Variants in ADAM11 observed in about 807,000 individuals in gnomAD.
The protein encoded by ADAM11 is ADAM metallopeptidase domain 11.
Under a neutral mutation model 119.1 loss-of-function variants are expected in ADAM11, and 49 were observed. The ratio of observed to expected loss-of-function variants is 0.41; its 90% CI spans 0.33 to 0.52. The LOEUF (loss-of-function observed/expected upper bound fraction) is 0.52. Ranked by LOEUF, ADAM11 falls within the 20% of genes least tolerant of loss-of-function variation. The pLI is 0.20. For synonymous variants in ADAM11, 364 were observed against 408.0 expected (o/e 0.89, Z 1.30); for missense variants, 777 against 1,047.5 (o/e 0.74, Z 3.56).
chr17:44,771,625 G>C lies in ADAM11; in HGVS notation c.423G>C (p.Gly141=), dbSNP rs1163188741. The change falls in exon 5 of 27, where the codon GGG becomes GGC. Residue 141 remains glycine, a synonymous_variant. Transcript: ENST00000200557. ...DHCYYQGKLR[G]NPHSFAALST... ...GCTACTACCAGGGGAAGCTCCGGGG[G>C]AACCCGCACTCCTTCGCCGCCCTCT... The C allele has an allele frequency of 1.2e-6, 2 of 1,611,746 alleles. No homozygotes were observed. The highest frequency in any genetic ancestry group is 4.5e-5 in the East Asian group (2 of 44,870).
rs747723417 is a variant in ADAM11 at position 44,776,129 on chromosome 17, C to T, written c.1488C>T (p.Tyr496=). Residue 496 remains tyrosine (Y), a splice_region_variant and synonymous_variant, in exon 18 of 27, where the codon TAC becomes TAT. Coordinates refer to ENST00000200557, the MANE Select transcript of ADAM11 (RefSeq NM_002390.6). This position sits in a 1 kb window ranked among gnomAD's most constrained non-coding sequence, Gnocchi z 5.2. The stretch of plus-strand genomic sequence containing the variant: ...CGAGGAGCGCGTCTCTTCCCTAGTA[C>T]GAACCACGGGGTGTGTCCTGCCGAG... ...SDGLCCRRCK[Y]EPRGVSCREA... The T allele has an allele frequency of 1.9e-6, 3 of 1,613,516 alleles. No homozygotes were observed. Among genetic ancestry groups the T allele is most frequent in the Non-Finnish European group, 2.5e-6 (3 of 1,179,930 alleles).
chr17:44,765,547 T>TA (rs1449897576), intron 2 of ADAM11, among the ~76,000 whole-genome samples: 1 of 151,378 alleles, frequency 6.6e-6, no homozygotes, highest in East Asian at 1.9e-4. Context: ...ACCCTTATGA[T>TA]ACCACATTTA....
Position 44,772,291 on chromosome 17 carries a change from C to T in ADAM11, c.568C>T (p.Arg190Trp), listed in dbSNP as rs551169644. 155 of 1,604,082 alleles carry T rather than the reference C, an allele frequency of 9.7e-5. No homozygotes were observed. The highest frequency in any genetic ancestry group is 2.4e-4 in the African/African-American group (18 of 74,548). Residue 190 changes from arginine to tryptophan, a missense_variant, in exon 7 of 27, where the codon CGG becomes TGG. This residue lies in a region of ADAM11 where 278 missense variants were observed against 310.1 expected (regional missense o/e 0.90). Transcript: ENST00000200557. This position sits in a 1 kb window ranked among gnomAD's most constrained non-coding sequence, Gnocchi z 4.5. ...GGGACCCCTTCCCCACCTCATTTAC[C>T]GGACCCCTCTCCTCCCAGATCCCCT... ...PQGPLPHLIY[R>W]TPLLPDPLGC...
intron 2 of ADAM11, among the ~76,000 whole-genome samples, chr17:44,768,824 C>A (rs558680429): frequency 6.6e-6 from 1 of 152,258 alleles, no homozygotes; most frequent in Admixed American, 6.5e-5. Context: ...GAGTGGGTGA[C>A]CCTCATGTTG....
In ADAM11 at chr17:44,777,667, G is replaced by A. The variant is rs758465806; in HGVS notation, c.1902-28G>A. 1.1e-5 allele frequency: 18 copies of A among 1,613,146 alleles called. No homozygotes were observed. The highest frequency in any genetic ancestry group is 1.5e-5 in the Non-Finnish European group (18 of 1,179,458). The stretch of plus-strand genomic sequence containing the variant: ...TGTGCTGGGGGTTAGGAGACAGGGG[G>A]CTGAGGCTGGCTGTGTCACTTCCCC... On this transcript the variant is annotated intron_variant, in intron 22 of 26. Coordinates refer to ENST00000200557, the MANE Select transcript of ADAM11 (RefSeq NM_002390.6). This position sits in a 1 kb window ranked among gnomAD's most constrained non-coding sequence, Gnocchi z 5.1.
intron 2 of ADAM11, among the ~76,000 whole-genome samples, chr17:44,763,717 C>A (rs1283090642): frequency 6.6e-6 from 1 of 151,262 alleles, no homozygotes. Flanking sequence ...ATCTTGTTTT[C>A]TTTCTTTTTT....
intron 2 of ADAM11, among the ~76,000 whole-genome samples, chr17:44,768,749 C>G (rs528255168): frequency 5.9e-5 from 9 of 152,204 alleles, no homozygotes; most frequent in Non-Finnish European, 1.0e-4. Context: ...TCTCTTCCTT[C>G]CTGCAACCTG....
At position 44,771,748 on chromosome 17, in the gene ADAM11, C is replaced by T. The variant is rs762152759; in HGVS notation, c.468-8C>T. 3.7e-6 allele frequency: 6 copies of T among 1,613,686 alleles called. No homozygotes were observed. In the East Asian group the frequency reaches 1.1e-4, roughly 30 times the overall value. ...GGACGGAGGGGAGCTGCGCCTCTCT[C>T]TCCACAGTGGGGTCTTCTCTGATGG... On this transcript the variant is annotated splice_polypyrimidine_tract_variant and splice_region_variant and intron_variant, in intron 5 of 26. Transcript: ENST00000200557.
rs1567696054 is a variant in ADAM11 at position 44,778,086 on chromosome 17, AG to A, written c.2185+26del. 1.4e-5 allele frequency: 22 copies of A among 1,610,452 alleles called. No individual in the cohort carries two copies. Among genetic ancestry groups the A allele is most frequent in the Non-Finnish European group, 1.8e-5 (21 of 1,177,592 alleles). On this transcript the variant is annotated intron_variant, in intron 24 of 26. Coordinates refer to ENST00000200557, the MANE Select transcript of ADAM11 (RefSeq NM_002390.6). ...ATAAAGGTGAGGCTGGAGCTGGCCG[AG>A]GGGGGTCTGTCTGTCCTGCTCTCTA...
At position 44,774,304 on chromosome 17, in the gene ADAM11, C is replaced by G. The variant is rs753811742; in HGVS notation, c.1002C>G (p.Thr334=). The part of the protein sequence containing the change: ...SDATHLFSGR[T]FQSTSSGAAY... ...GCGCACTCCCTTCCAGGGGCAGGAC[C>G]TTCCAGAGCACGAGCAGCGGGGCAG... The change falls in exon 12 of 27, where the codon ACC becomes ACG. Residue 334 remains threonine, a synonymous_variant. Transcript: ENST00000200557. 26 of 1,469,718 alleles carry G rather than the reference C, an allele frequency of 1.8e-5. No individual in the cohort carries two copies. Among genetic ancestry groups the G allele is most frequent in the Non-Finnish European group, 2.3e-5 (25 of 1,107,562 alleles). The allele number at this position is 1,469,718 out of a possible 1,614,324, so 91.0% of individuals were successfully genotyped here.
chr17:44,763,587 A>G (rs535266334), intron 2 of ADAM11, among the ~76,000 whole-genome samples: 1 of 152,316 alleles, frequency 6.6e-6, no homozygotes, highest in South Asian at 2.1e-4. Flanking sequence ...CAGGTCAGGC[A>G]AGACTACCGT....
chr17:44,773,747 C>G lies in ADAM11; in HGVS notation c.992+320C>G, dbSNP rs765133185. 2.4e-4 allele frequency among the ~76,000 whole-genome samples: 37 copies of G among 152,320 alleles called. No homozygotes were observed. The highest frequency in any genetic ancestry group is 4.4e-4 in the Non-Finnish European group (30 of 68,032). On this transcript the variant is annotated intron_variant, in intron 11 of 26. Coordinates refer to ENST00000200557, the MANE Select transcript of ADAM11 (RefSeq NM_002390.6). The surrounding 1 kb of genome is among the most constrained non-coding windows in gnomAD (Gnocchi z 4.6). ...TAGGGAAAAAAATCTAATAAAAGGG[C>G]CTTGCAACTAGAGATGGTCTACTGG...
Position 44,759,479 on chromosome 17 carries a change from GCTCTGCAGGT to G in ADAM11, c.61+226_62-227del, listed in dbSNP as rs1468115016. On this transcript the variant is annotated intron_variant, in intron 1 of 26. Transcript: ENST00000200557. Reference sequence around the variant, plus strand: ...CCCTGCCCCTGCCGCCGACCGGCCAGCTCTGCAGGTCTCTGCGGGTTTGGGCGGATGGGGG... The same window carrying G: ...CCCTGCCCCTGCCGCCGACCGGCCAGCTCTGCGGGTTTGGGCGGATGGGGG... The G allele has an allele frequency of 1.7e-5, 21 of 1,251,906 alleles. No homozygotes were observed. The South Asian group carries it at 6.0e-4, about 35-fold the overall frequency. The allele number at this position is 1,251,906 out of a possible 1,614,324, so 77.5% of individuals were successfully genotyped here.
At chr17:44,765,907 T>C (rs1351880189) in intron 2 of ADAM11, among the ~76,000 whole-genome samples, 2 of 152,160 alleles carry the variant, frequency 1.3e-5, no homozygotes. Flanking sequence ...AAGCCACTGC[T>C]CCTGGCCCAA....
intron 2 of ADAM11, among the ~76,000 whole-genome samples, chr17:44,763,220 C>T (rs1250246600): frequency 2.0e-5 from 3 of 152,136 alleles, no homozygotes; most frequent in Non-Finnish European, 2.9e-5. Flanking sequence ...CACTCCTTTA[C>T]GTGGAATTAT....
rs1454626857 is a variant in ADAM11, at chr17:44,759,194, C to G, written c.-6C>G. On this transcript the variant is annotated 5_prime_UTR_variant, in exon 1 of 27. Coordinates refer to ENST00000200557, the MANE Select transcript of ADAM11 (RefSeq NM_002390.6). ...CAGCCCCCGGACCGGGAGGAATGAG[C>G]GAGCCATGAGGCTGCTGCGGCGCTG... 1.5e-6 allele frequency: 2 copies of G among 1,352,908 alleles called. No individual in the cohort carries two copies. Among genetic ancestry groups the G allele is most frequent in the Non-Finnish European group, 1.9e-6 (2 of 1,048,560 alleles). 83.8% of individuals were successfully genotyped at this position (1,352,908 alleles called of 1,614,324 possible). A position where few individuals can be genotyped will look rare whatever the true frequency, so the allele number is the denominator to read the frequency against.
Position 44,777,440 on chromosome 17 carries a change from G to A in ADAM11, c.1782-42G>A. ...AGATTAGAGTTCAGTAGTTGAGTCT[G>A]AGGTCAAACTTGGGGCTCACTGTCT... On this transcript the variant is annotated intron_variant, in intron 21 of 26. Transcript: ENST00000200557. This position sits in a 1 kb window ranked among gnomAD's most constrained non-coding sequence, Gnocchi z 5.1. 6.2e-7 allele frequency: 1 copy of A among 1,603,162 alleles called. No homozygotes were observed. The highest frequency in any genetic ancestry group is 8.5e-7 in the Non-Finnish European group (1 of 1,170,566).
rs1305734037 is a variant in ADAM11 at position 44,772,299 on chromosome 17, TCTC to T, written c.581_583del (p.Leu194del). The T allele has an allele frequency of 2.0e-6, 3 of 1,505,008 alleles. No homozygotes were observed. Among genetic ancestry groups the T allele is most frequent in the Non-Finnish European group, 2.7e-6 (3 of 1,114,974 alleles). 93.2% of individuals were successfully genotyped at this position (1,505,008 alleles called of 1,614,324 possible). A position where few individuals can be genotyped will look rare whatever the true frequency, so the allele number is the denominator to read the frequency against. ...TTCCCCACCTCATTTACCGGACCCCTCTCCTCCCAGATCCCCTCGGATGCAGGG... is the reference window on the plus strand; with the variant it reads ...TTCCCCACCTCATTTACCGGACCCCTCTCCCAGATCCCCTCGGATGCAGGG... On this transcript the variant is annotated inframe_deletion, in exon 7 of 27. Coordinates refer to ENST00000200557, the MANE Select transcript of ADAM11 (RefSeq NM_002390.6). The surrounding 1 kb of genome is among the most constrained non-coding windows in gnomAD (Gnocchi z 4.5).
At chr17:44,778,726 GAAAGA>G (rs1453632761) in intron 25 of ADAM11, among the ~76,000 whole-genome samples, 3 of 125,404 alleles carry the variant, frequency 2.4e-5, no homozygotes, top group Non-Finnish European at 3.6e-5. Flanking sequence ...AAGAAAGAGA[GAAAGA>G]AAAGAAAAGA....
Sources: allele counts gnomAD v4.1 joint callset (sites outside exome capture counted in the v4.1 genomes callset), GRCh38; gene constraint gnomAD v4.1.1; regional missense constraint gnomAD v4.1.1; non-coding constraint Gnocchi (gnomAD v3.1); transcripts MANE v1.5; gene names NCBI Gene and HGNC (gene_info 2026-07-23, HGNC 2026-07-21).